The following FMN2 variants were observed in gnomAD, a reference collection of about 807,000 sequenced individuals.
The protein encoded by FMN2 is formin-2.
FMN2 carries 51 observed loss-of-function variants against 142.3 expected under a neutral mutation model. The ratio of observed to expected loss-of-function variants is 0.36; its 90% CI spans 0.29 to 0.45. The LOEUF (loss-of-function observed/expected upper bound fraction) is 0.45. Ranked by LOEUF, FMN2 falls within the 20% of genes least tolerant of loss-of-function variation. The pLI is 1.00. For missense variants in FMN2, 1,936 were observed against 2,122.8 expected, an observed-to-expected ratio of 0.91 and a Z score of 1.73; for synonymous variants, 882 against 869.8, an observed-to-expected ratio of 1.01 and a Z score of -0.25.
intron 6 of FMN2, among the ~76,000 whole-genome samples, chr1:240,216,189 G>A (rs996594109): frequency 1.3e-5 from 2 of 152,108 alleles, no homozygotes; most frequent in Non-Finnish European, 2.9e-5. Context: ...CAGCCATTGT[G>A]GTTAAACCTT....
intron 13 of FMN2, among the ~76,000 whole-genome samples, chr1:240,334,829 C>G (rs1671507171): frequency 6.6e-6 from 1 of 152,016 alleles, no homozygotes; most frequent in Non-Finnish European, 1.5e-5. Context: ...CCTGCTATCC[C>G]CTTTTCTTGA....
intron 14 of FMN2, among the ~76,000 whole-genome samples, chr1:240,382,951 C>A (rs1008243755): frequency 1.3e-5 from 2 of 151,856 alleles, no homozygotes; most frequent in African/African-American, 2.4e-5. Context: ...CACCAAGAAA[C>A]AAAGCCACAT....
chr1:240,197,875 G>A (rs556862002), intron 4 of FMN2, among the ~76,000 whole-genome samples: 8 of 151,184 alleles, frequency 5.3e-5, no homozygotes, highest in Non-Finnish European at 1.0e-4. Flanking sequence ...CACCATGTTG[G>A]CCAGGCTGGT....
At chr1:240,119,362 G>A (rs922094225) in intron 1 of FMN2, among the ~76,000 whole-genome samples, 3 of 151,278 alleles carry the variant, frequency 2.0e-5, no homozygotes, top group African/African-American at 7.3e-5. Context: ...CACCTGAGAC[G>A]ATTGCAGGGC....
At chr1:240,097,351 A>G (rs1333160559) in intron 1 of FMN2, among the ~76,000 whole-genome samples, 2 of 145,266 alleles carry the variant, frequency 1.4e-5, no homozygotes, top group Non-Finnish European at 3.0e-5. Flanking sequence ...TTATTGTTAT[A>G]GCTGCCTTTT....
rs554560486 is a variant in FMN2 at position 240,175,065 on chromosome 1, G to A, written c.1783-2856G>A. ...TGACAATGTTATGTACCTCATATGG[G>A]TAGAATCATACGGTATTCGTCTGTT... is the stretch of plus-strand genomic sequence containing the variant. On this transcript the variant is annotated intron_variant, in intron 2 of 17. Coordinates refer to ENST00000319653, the MANE Select transcript of FMN2 (RefSeq NM_020066.5). 9.9e-5 allele frequency among the ~76,000 whole-genome samples: 15 copies of A among 152,260 alleles called. No homozygotes were observed. The East Asian group carries it at 2.7e-3, about 27-fold the overall frequency.
At chr1:240,355,529 T>G (rs1672235623) in intron 13 of FMN2, among the ~76,000 whole-genome samples, 1 of 152,104 alleles carries the variant, frequency 6.6e-6, no homozygotes, top group Non-Finnish European at 1.5e-5. Flanking sequence ...ATTTTACAGA[T>G]GAAGAGACTG....
chr1:240,440,083 G>A (rs1157618611), intron 16 of FMN2, among the ~76,000 whole-genome samples: 1 of 152,220 alleles, frequency 6.6e-6, no homozygotes, highest in Non-Finnish European at 1.5e-5. Flanking sequence ...TGATGACGTT[G>A]TCACTTTGGA....
intron 17 of FMN2, among the ~76,000 whole-genome samples, chr1:240,472,943 CAAA>C (rs372290294): frequency 5.5e-5 from 5 of 90,642 alleles, no homozygotes; most frequent in African/African-American, 8.3e-5. Context: ...GACTTTGTCT[CAAA>C]AAAAAAAAAA....
At chr1:240,305,044 T>C (rs1670334473) in intron 8 of FMN2, among the ~76,000 whole-genome samples, 2 of 152,108 alleles carry the variant, frequency 1.3e-5, no homozygotes, top group Admixed American at 1.3e-4. Flanking sequence ...CTTTCTGGGG[T>C]TTCTAATTTT....
rs1357407784 is a variant in FMN2 at position 240,091,952 on chromosome 1, G to C, written c.-158G>C. ...TTATGCAAAGCGGCGGCAGATGCGA[G>C]CGGGGCCAGCCGGGCGCGCGTCGGC... is the stretch of plus-strand genomic sequence containing the variant. On this transcript the variant is annotated 5_prime_UTR_variant, in exon 1 of 18. Transcript: ENST00000319653. The C allele has an allele frequency of 1.6e-6, 2 of 1,253,570 alleles. No homozygotes were observed. Among genetic ancestry groups the C allele is most frequent in the African/African-American group, 3.2e-5 (2 of 62,728 alleles). The allele number at this position is 1,253,570 out of a possible 1,614,324, so 77.7% of individuals were successfully genotyped here.
chr1:240,396,227 C>T (rs575773749), intron 15 of FMN2, among the ~76,000 whole-genome samples: 9 of 151,728 alleles, frequency 5.9e-5, no homozygotes, highest in Non-Finnish European at 1.2e-4. Flanking sequence ...CCAGAAAATT[C>T]GTGTAACTCT....
intron 6 of FMN2, among the ~76,000 whole-genome samples, chr1:240,223,792 C>T (rs558407458): frequency 2.5e-3 from 388 of 152,254 alleles, no homozygotes; most frequent in African/African-American, 9.1e-3. Flanking sequence ...ATAGTATTCT[C>T]TGATGGTAGT....
At chr1:240,276,330 T>A (rs1383375516) in intron 7 of FMN2, among the ~76,000 whole-genome samples, 1 of 152,152 alleles carries the variant, frequency 6.6e-6, no homozygotes, top group Non-Finnish European at 1.5e-5. Flanking sequence ...TATAGAGGAA[T>A]TAAAGGGTGT....
At chr1:240,241,879 C>T (rs1321329013) in intron 6 of FMN2, among the ~76,000 whole-genome samples, 1 of 141,100 alleles carries the variant, frequency 7.1e-6, no homozygotes, top group Admixed American at 7.2e-5. Flanking sequence ...CTCTGTCGCC[C>T]AGGCTGGATC....
chr1:240,292,046 TGCA>T (rs1430988774), intron 7 of FMN2, among the ~76,000 whole-genome samples: 2 of 152,176 alleles, frequency 1.3e-5, no homozygotes, highest in African/African-American at 4.8e-5. Flanking sequence ...CTTGAAGTAA[TGCA>T]GCAGCAAATA....
rs563468315 is a variant in FMN2 at position 240,382,610 on chromosome 1, G to A, written c.4859-9901G>A. Among the ~76,000 whole-genome samples, 34 of 151,970 alleles carry A rather than the reference G, an allele frequency of 2.2e-4. 1 individual carries two copies. In the South Asian group the frequency reaches 5.6e-3, roughly 25 times the overall value. On this transcript the variant is annotated intron_variant, in intron 14 of 17. Transcript: ENST00000319653. ...CAGGAGGCGGGGGTTGCAGTGAACC[G>A]AGATCGTGCCACTGCACTCCAGCCT...
At chr1:240,093,862 C>A in intron 1 of FMN2, 138 bp downstream of exon 1, 1 of 546,820 alleles carries the variant, frequency 1.8e-6, no homozygotes, top group Non-Finnish European at 2.8e-6. Context: ...GAATCCTTTT[C>A]CGCCCAGCGA....
At chr1:240,209,895 G>C (rs1011263259) in intron 5 of FMN2, among the ~76,000 whole-genome samples, 10 of 151,680 alleles carry the variant, frequency 6.6e-5, no homozygotes, top group Admixed American at 2.0e-4. Context: ...CAGAGCGAGA[G>C]TCCGTCTCAA....
Sources: gnomAD v4.1 joint callset for allele counts (sites outside exome capture counted in the v4.1 genomes callset) on GRCh38, gnomAD v4.1.1 for gene constraint, MANE v1.5 for transcripts, NCBI Gene and HGNC (gene_info 2026-07-23, HGNC 2026-07-21) for gene names.